NEB: variants seen among roughly 807,000 people sequenced by gnomAD.
The protein encoded by NEB is nemaline myopathy type 2.
In NEB, 512 loss-of-function variants were observed where a neutral mutation model predicts 952.2. That is an observed-to-expected ratio of 0.54 (90% CI 0.50 to 0.58). The LOEUF (loss-of-function observed/expected upper bound fraction) is 0.58. Among genes scored for constraint, NEB ranks in the 20% least tolerant of loss-of-function variants. NEB has a pLI of 0.00. For synonymous variants in NEB, 2,900 were observed against 3,149.8 expected, an observed-to-expected ratio of 0.92 and a Z score of 2.66; for missense variants, 8,428 against 9,231.1, an observed-to-expected ratio of 0.91 and a Z score of 3.56.
chr2:151,619,528 G>C lies in NEB; in HGVS notation c.10795C>G (p.Pro3599Ala). The C allele has an allele frequency of 1.2e-6, 2 of 1,613,930 alleles. No homozygotes were observed. The highest frequency in any genetic ancestry group is 1.7e-4 in the Middle Eastern group (1 of 6,060). Residue 3599 changes from proline to alanine, a missense_variant, in exon 73 of 182, where the codon CCT (proline) becomes GCT (alanine). Coordinates refer to ENST00000397345, the MANE Select transcript of NEB (RefSeq NM_001164508.2). ...TLVSDVDYKH[P>A]LHEWICLPDQ... ...GGCAGGCAGATCCATTCATGCAGAGGATGTTTATAGTCCACATCGCTGACC... is the reference window on the plus strand; with the variant it reads ...GGCAGGCAGATCCATTCATGCAGAGCATGTTTATAGTCCACATCGCTGACC...
chr2:151,554,053 A>T lies in NEB; in HGVS notation c.19429-28T>A, dbSNP rs756969318. On this transcript the variant is annotated intron_variant, in intron 125 of 181. Transcript: ENST00000397345. Reference sequence around the variant, plus strand: ...GTAAAGTTAAAATCACATGCCAGTTATACAGGAAATTGTGCCAAGGCATCA... The same window carrying T: ...GTAAAGTTAAAATCACATGCCAGTTTTACAGGAAATTGTGCCAAGGCATCA... The T allele has an allele frequency of 1.9e-5, 31 of 1,607,960 alleles. No homozygotes were observed. The East Asian group carries it at 5.1e-4, about 27-fold the overall frequency.
At chr2:151,704,444 C>T (rs866732101) in intron 13 of NEB, among the ~76,000 whole-genome samples, 4 of 149,350 alleles carry the variant, frequency 2.7e-5, no homozygotes, top group East Asian at 2.0e-4. Flanking sequence ...CAATGGCGGG[C>T]GCCCCTCCCC....
At chr2:151,519,130 A>G in intron 154 of NEB, 61 bp from the exon 155 acceptor site, 6 of 1,078,772 alleles carry the variant, frequency 5.6e-6, no homozygotes, top group Non-Finnish European at 8.5e-6. Flanking sequence ...GCACTAATGG[A>G]AATCAAAGTG....
chr2:151,526,880 A>G, intron 148 of NEB, 38 bp downstream of exon 148: 1 of 1,379,352 alleles, frequency 7.2e-7, no homozygotes, highest in Non-Finnish European at 1.0e-6. Flanking sequence ...GATGGCCCTG[A>G]GTGAGGTTAG....
chr2:151,509,903 C>T (rs921529569), intron 161 of NEB, among the ~76,000 whole-genome samples: 2 of 152,152 alleles, frequency 1.3e-5, no homozygotes, highest in African/African-American at 2.4e-5. Flanking sequence ...CCACTGCGCC[C>T]GACCAAGAGT....
At position 151,526,873 on chromosome 2, in the gene NEB, G is replaced by A. The variant is rs541352177; in HGVS notation, c.21945+45C>T. Reference sequence around the variant, plus strand: ...CCCTGGGGACTGTACCATGGAAGATGGCCCTGAGTGAGGTTAGGCATCATG... The same window carrying A: ...CCCTGGGGACTGTACCATGGAAGATAGCCCTGAGTGAGGTTAGGCATCATG... On this transcript the variant is annotated intron_variant, in intron 148 of 181. Transcript: ENST00000397345. The A allele has an allele frequency of 9.2e-6, 12 of 1,308,478 alleles. No homozygotes were observed. The South Asian group carries it at 1.3e-4, about 14-fold the overall frequency. 81.1% of individuals were successfully genotyped at this position (1,308,478 alleles called of 1,614,324 possible). A position where few individuals can be genotyped will look rare whatever the true frequency, so the allele number is the denominator to read the frequency against.
rs111517514 is a variant in NEB, at chr2:151,547,734, A to G, written c.20162T>C (p.Leu6721Pro). 5.3e-4 allele frequency: 861 copies of G among 1,611,598 alleles called. 1 individual carries two copies. The highest frequency in any genetic ancestry group is 3.3e-3 in the Middle Eastern group (20 of 6,052). The change falls in exon 132 of 182, where the codon CTG becomes CCG. Residue 6721 changes from leucine (L) to proline (P), a missense_variant. By Grantham distance (98) the Leu-to-Pro change is moderately conservative. This residue lies in a region of NEB where 3,374 missense variants were observed against 3,651.5 expected (regional missense o/e 0.92). Coordinates refer to ENST00000397345, the MANE Select transcript of NEB (RefSeq NM_001164508.2). ...RRVNNVTSER[L>P]YRELYHKLKD... ...CAGTTTGTGGTACAATTCCCGATAC[A>G]GTCTCTACGTTGGAGGAAATATCAT...
At chr2:151,636,200 A>T in intron 64 of NEB, 27 bp downstream of exon 64, 1 of 1,563,350 alleles carries the variant, frequency 6.4e-7, no homozygotes, top group Non-Finnish European at 8.7e-7. Flanking sequence ...GATTGATCAC[A>T]TACTCAGAAT....
intron 68 of NEB, among the ~76,000 whole-genome samples, chr2:151,629,322 T>C (rs1411190288): frequency 6.6e-6 from 1 of 152,180 alleles, no homozygotes; most frequent in Non-Finnish European, 1.5e-5. Flanking sequence ...TGAAGTATAC[T>C]GGTTTAGGTT....
Position 151,526,954 on chromosome 2 carries a change from C to T in NEB, c.21909G>A (p.Thr7303=), listed in dbSNP as rs777379650. 1.2e-5 allele frequency: 20 copies of T among 1,603,142 alleles called. No homozygotes were observed. Among genetic ancestry groups the T allele is most frequent in the Middle Eastern group, 3.3e-4 (2 of 6,056 alleles). The change falls in exon 148 of 182, where the codon ACG becomes ACA. Residue 7303 remains threonine (T), a synonymous_variant. Coordinates refer to ENST00000397345, the MANE Select transcript of NEB (RefSeq NM_001164508.2). ...TTAAAGTATTCCTGAGGGCGAGCACCGTGTTTTTGTCATCAGTGACAGAAA... is the reference window on the plus strand; with the variant it reads ...TTAAAGTATTCCTGAGGGCGAGCACTGTGTTTTTGTCATCAGTGACAGAAA... ...CKLSVTDDKN[T]VLALRNTLIE... is the part of the protein sequence containing the mutation.
chr2:151,643,923 G>C lies in NEB; in HGVS notation c.7851C>G (p.Thr2617=). ...LGVVLAKKCQ[T]LVSDVDYKNY... ...TCTTGTAGTCCACGTCGCTGACTAA[G>C]GTCTGGCACTTCTTGGCCAACACCA... Residue 2617 remains threonine (T), a synonymous_variant, in exon 57 of 182, where the codon ACC becomes ACG. Coordinates refer to ENST00000397345, the MANE Select transcript of NEB (RefSeq NM_001164508.2). The C allele has an allele frequency of 6.2e-7, 1 of 1,613,948 alleles. No homozygotes were observed. Among genetic ancestry groups the C allele is most frequent in the Non-Finnish European group, 8.5e-7 (1 of 1,179,824 alleles).
Position 151,694,337 on chromosome 2 carries a change from T to C in NEB, c.1882A>G (p.Lys628Glu). ...PKMLHSLKVA[K>E]NQSDRLYKEN... ...AAGAAACTCACATCACTCTGGTTTT[T>C]GGCCACCTTCAAGGAGTGCAGCATC... Residue 628 changes from lysine to glutamate, a missense_variant, in exon 20 of 182, where the codon AAA (lysine) becomes GAA (glutamate). Physicochemically the swap from Lys to Glu is moderately conservative, Grantham distance 56. This residue lies in a region of NEB where 2,851 missense variants were observed against 2,791.5 expected (regional missense o/e 1.02). Transcript: ENST00000397345. The C allele has an allele frequency of 6.2e-7, 1 of 1,613,864 alleles. No homozygotes were observed. Among genetic ancestry groups the C allele is most frequent in the African/African-American group, 1.3e-5 (1 of 75,064 alleles).
intron 124 of NEB, among the ~76,000 whole-genome samples, chr2:151,555,923 T>A (rs6739271): frequency 0.045 from 6,828 of 151,290 alleles, 413 homozygotes; most frequent in East Asian, 0.15. Flanking sequence ...TAAAATAAGG[T>A]CAGAATACTT....
At chr2:151,651,942 AGGGAT>A (rs897897929) in intron 52 of NEB, among the ~76,000 whole-genome samples, 1 of 152,194 alleles carries the variant, frequency 6.6e-6, no homozygotes, top group African/African-American at 2.4e-5. Flanking sequence ...CTAAATTTTG[AGGGAT>A]TCTATTTTGA....
chr2:151,693,528 G>C (rs1286178857), intron 20 of NEB, among the ~76,000 whole-genome samples: 3 of 148,620 alleles, frequency 2.0e-5, no homozygotes, highest in Non-Finnish European at 4.4e-5. Flanking sequence ...TTGATTTTCT[G>C]TTCCTGCGTT....
chr2:151,731,109 G>C (rs1453079889), intron 3 of NEB, among the ~76,000 whole-genome samples: 1 of 152,120 alleles, frequency 6.6e-6, no homozygotes, highest in African/African-American at 2.4e-5. Flanking sequence ...TAAAATGGAA[G>C]ATTCACAACT....
At chr2:151,561,556 T>C (rs192425425) in intron 121 of NEB, among the ~76,000 whole-genome samples, 1 of 151,164 alleles carries the variant, frequency 6.6e-6, no homozygotes, top group East Asian at 1.9e-4. Context: ...TCTCCATCCC[T>C]GACAGCAGCC....
Position 151,514,368 on chromosome 2 carries a change from C to T in NEB, c.23077G>A (p.Asp7693Asn), listed in dbSNP as rs2076420437. The part of the protein sequence containing the change: ...IRGKGLTEME[D>N]TPDMLRAKNA... ...TTTGCTCTTAGCATGTCAGGTGTAT[C>T]TTCCATTTCAGTGAGGCCCTTCCCA... The change falls in exon 159 of 182, where the codon GAT becomes AAT. Residue 7693 changes from aspartate to asparagine, a missense_variant. This residue lies in a region of NEB where 3,374 missense variants were observed against 3,651.5 expected (regional missense o/e 0.92). Coordinates refer to ENST00000397345, the MANE Select transcript of NEB (RefSeq NM_001164508.2). The T allele has an allele frequency of 1.2e-6, 2 of 1,613,884 alleles. No individual in the cohort carries two copies. Among genetic ancestry groups the T allele is most frequent in the East Asian group, 4.5e-5 (2 of 44,876 alleles).
intron 147 of NEB, 88 bp from the exon 148 acceptor site, chr2:151,527,110 T>C: frequency 1.2e-6 from 1 of 827,668 alleles, no homozygotes; most frequent in Non-Finnish European, 1.9e-6. Flanking sequence ...GGAGTCCTCT[T>C]AAGGAGAGGA....
Sources: allele counts gnomAD v4.1 joint callset (sites outside exome capture counted in the v4.1 genomes callset), GRCh38; gene constraint gnomAD v4.1.1; regional missense constraint gnomAD v4.1.1; transcripts MANE v1.5; gene names NCBI Gene and HGNC (gene_info 2026-07-23, HGNC 2026-07-21).